The following CIAO2A variants were observed in gnomAD, a reference collection of about 807,000 sequenced individuals.
CIAO2A encodes the protein MIP18 family protein FAM96A.
A neutral mutation model predicts 22.4 loss-of-function variants in CIAO2A; 17 were observed. The observed-to-expected ratio is 0.76, with a 90% confidence interval of 0.52 to 1.14. The LOEUF (loss-of-function observed/expected upper bound fraction) is 1.14, where lower values mean the gene tolerates loss of function less well. CIAO2A is among the 50% of genes most tolerant of loss of function. The pLI is 0.00. For missense variants in CIAO2A, 192 were observed against 191.4 expected (o/e 1.00, Z -0.02); for synonymous variants, 74 against 72.3 (o/e 1.02, Z -0.12).
intron 2 of CIAO2A, among the ~76,000 whole-genome samples, chr15:64,088,083 T>G (rs2080811835): frequency 6.6e-6 from 1 of 152,240 alleles, no homozygotes; most frequent in African/African-American, 2.4e-5. Context: ...CCCCTACTCA[T>G]GAACATTTGG....
At chr15:64,076,896 G>A (rs556179167) in intron 3 of CIAO2A, among the ~76,000 whole-genome samples, 5 of 151,620 alleles carry the variant, frequency 3.3e-5, no homozygotes, top group East Asian at 1.9e-4. Context: ...TGTAGAGACC[G>A]CGTATCGCCA....
At chr15:64,084,742 C>A (rs2080780825) in intron 2 of CIAO2A, among the ~76,000 whole-genome samples, 1 of 151,956 alleles carries the variant, frequency 6.6e-6, no homozygotes. Context: ...GCACTCCAGC[C>A]TGGGCAACAA....
At chr15:64,087,192 C>T (rs570540487) in intron 2 of CIAO2A, among the ~76,000 whole-genome samples, 15 of 146,026 alleles carry the variant, frequency 1.0e-4, no homozygotes, top group South Asian at 4.5e-4. Context: ...CCCGGGTTCA[C>T]GCCATTCTCC....
At chr15:64,075,676 A>C (rs1037011941) in intron 3 of CIAO2A, 139 bp from the exon 4 acceptor site, 2 of 491,658 alleles carry the variant, frequency 4.1e-6, no homozygotes, top group Admixed American at 4.2e-5. Context: ...TTTGAGATGG[A>C]GTCTCACCCT....
intron 3 of CIAO2A, among the ~76,000 whole-genome samples, chr15:64,080,583 G>A (rs1441077933): frequency 1.3e-5 from 2 of 152,280 alleles, no homozygotes; most frequent in Middle Eastern, 3.4e-3. Context: ...TCGGGAGGCT[G>A]AGGCAGGAGA....
At position 64,075,520 on chromosome 15, in the gene CIAO2A, A is replaced by G. The variant is rs2080710619; in HGVS notation, c.357T>C (p.Ser119=). Residue 119 remains serine (S), a synonymous_variant, in exon 4 of 5, where the codon TCT becomes TCC. Transcript: ENST00000300030. The part of the protein sequence containing the change: ...PFKHKLEIYI[S]EGTHSTEEDI... ...CTTCTTCTGTTGAGTGGGTTCCTTC[A>G]GAAATGTAGATTTCCAACTGGAAAG... 6.3e-7 allele frequency: 1 copy of G among 1,585,316 alleles called. No individual in the cohort carries two copies. Among genetic ancestry groups the G allele is most frequent in the African/African-American group, 1.4e-5 (1 of 73,328 alleles).
chr15:64,087,801 C>T (rs1390273785), intron 2 of CIAO2A, among the ~76,000 whole-genome samples: 1 of 152,142 alleles, frequency 6.6e-6, no homozygotes, highest in African/African-American at 2.4e-5. Flanking sequence ...CCCTTTCCCC[C>T]ATCTGCCCAG....
intron 3 of CIAO2A, among the ~76,000 whole-genome samples, chr15:64,076,903 G>A (rs1217997640): frequency 6.6e-6 from 1 of 151,436 alleles, no homozygotes; most frequent in Non-Finnish European, 1.5e-5. Flanking sequence ...ACCGCGTATC[G>A]CCATATTGCC....
At chr15:64,080,215 G>T (rs1332797100) in intron 3 of CIAO2A, among the ~76,000 whole-genome samples, 1 of 151,790 alleles carries the variant, frequency 6.6e-6, no homozygotes, top group Non-Finnish European at 1.5e-5. Context: ...GTGAAACCCT[G>T]TCTCTACTAA....
intron 2 of CIAO2A, among the ~76,000 whole-genome samples, chr15:64,083,066 A>G (rs1019025852): frequency 2.7e-5 from 4 of 149,808 alleles, no homozygotes; most frequent in Non-Finnish European, 5.9e-5. Context: ...ATAATAATAA[A>G]ACTTAAAAAT....
At chr15:64,079,478 A>ATC (rs1390685933) in intron 3 of CIAO2A, among the ~76,000 whole-genome samples, 1 of 152,224 alleles carries the variant, frequency 6.6e-6, no homozygotes, top group Non-Finnish European at 1.5e-5. Context: ...GTAAGCAGTG[A>ATC]TCACACCACT....
chr15:64,080,065 T>C (rs1277928272), intron 3 of CIAO2A, among the ~76,000 whole-genome samples: 1 of 152,120 alleles, frequency 6.6e-6, no homozygotes, highest in Admixed American at 6.5e-5. Context: ...TTCTCAACAT[T>C]ATTAGCCATC....
intron 1 of CIAO2A, chr15:64,090,196 A>G: frequency 6.1e-6 from 1 of 164,982 alleles, no homozygotes. Flanking sequence ...TACAAAAATT[A>G]CCCAGGCGTG....
At chr15:64,092,413 C>A (rs1482670213) in intron 1 of CIAO2A, among the ~76,000 whole-genome samples, 1 of 152,144 alleles carries the variant, frequency 6.6e-6, no homozygotes, top group Non-Finnish European at 1.5e-5. Context: ...TTCTAGATCC[C>A]CTCAGTCAGA....
chr15:64,085,457 G>A (rs964376980), intron 2 of CIAO2A, among the ~76,000 whole-genome samples: 4 of 152,154 alleles, frequency 2.6e-5, no homozygotes, highest in Non-Finnish European at 5.9e-5. Context: ...AGCCGAGATC[G>A]TGTCATTGCA....
At chr15:64,075,138 C>T (rs2080707187) in intron 4 of CIAO2A, 1 of 152,550 alleles carries the variant, frequency 6.6e-6, no homozygotes, top group Admixed American at 7.1e-5. Flanking sequence ...TTCACTAAAG[C>T]TCTACTTGCT....
chr15:64,081,302 C>T, intron 2 of CIAO2A, 151 bp from the exon 3 acceptor site: 1 of 592,440 alleles, frequency 1.7e-6, no homozygotes, highest in Non-Finnish European at 3.0e-6. Context: ...TTGAGGCTGG[C>T]ACCACGCTAG....
chr15:64,075,757 T>C (rs2141274817), intron 3 of CIAO2A, among the ~76,000 whole-genome samples: 1 of 151,522 alleles, frequency 6.6e-6, no homozygotes, highest in African/African-American at 2.4e-5. Flanking sequence ...TTCAAGCAAT[T>C]CTCCTACCTC....
chr15:64,090,846 A>G (rs1459950456), intron 1 of CIAO2A, among the ~76,000 whole-genome samples: 2 of 152,242 alleles, frequency 1.3e-5, no homozygotes, highest in African/African-American at 4.8e-5. Flanking sequence ...TTGAGGAGAG[A>G]AATTGAAAAT....
Sources: allele counts gnomAD v4.1 joint callset (sites outside exome capture counted in the v4.1 genomes callset), GRCh38; gene constraint gnomAD v4.1.1; transcripts MANE v1.5; gene names NCBI Gene and HGNC (gene_info 2026-07-23, HGNC 2026-07-21).